Variants in FAT3 observed in about 807,000 individuals in gnomAD.
FAT3 encodes protocadherin Fat 3.
In FAT3, 95 loss-of-function variants were observed where a neutral mutation model predicts 310.2. The ratio of observed to expected loss-of-function variants is 0.31; its 90% CI spans 0.26 to 0.36. The LOEUF (loss-of-function observed/expected upper bound fraction) is 0.36, where lower values mean the gene tolerates loss of function less well. Ranked by LOEUF, FAT3 falls within the 10% of genes least tolerant of loss-of-function variation. The probability of loss-of-function intolerance (pLI) is 1.00; values close to 1 mark genes in which losing one functional copy is unlikely to be tolerated. For missense variants in FAT3, 5,408 were observed against 5,715.6 expected (o/e 0.95, Z 1.74); for synonymous variants, 2,314 against 2,192.9 (o/e 1.06, Z -1.54).
chr11:92,846,709 A>C (rs764090295), intron 19 of FAT3, among the ~76,000 whole-genome samples: 22 of 152,210 alleles, frequency 1.4e-4, no homozygotes, highest in Admixed American at 2.6e-4. Flanking sequence ...TTCTACTCCC[A>C]GTAAATTTAG....
intron 3 of FAT3, among the ~76,000 whole-genome samples, chr11:92,594,580 T>C (rs1939608679): frequency 6.6e-6 from 1 of 152,194 alleles, no homozygotes; most frequent in Non-Finnish European, 1.5e-5. Flanking sequence ...GCTAGACTTT[T>C]ATTGAACACA....
At chr11:92,407,031 C>T (rs1950149906) in intron 2 of FAT3, among the ~76,000 whole-genome samples, 1 of 152,186 alleles carries the variant, frequency 6.6e-6, no homozygotes, top group South Asian at 2.1e-4. Flanking sequence ...CAGAAAGGGG[C>T]TATGAGAGGC....
intron 2 of FAT3, among the ~76,000 whole-genome samples, chr11:92,507,577 A>G (rs1012688744): frequency 2.0e-5 from 3 of 151,828 alleles, no homozygotes; most frequent in Non-Finnish European, 2.9e-5. Flanking sequence ...CACATATCCT[A>G]TATCTGTACA....
intron 3 of FAT3, among the ~76,000 whole-genome samples, chr11:92,586,428 A>G (rs1939161316): frequency 6.6e-6 from 1 of 151,986 alleles, no homozygotes; most frequent in Non-Finnish European, 1.5e-5. Context: ...ACTCAGTGCC[A>G]CAGATGATCT....
chr11:92,572,058 A>T (rs1278549927), intron 3 of FAT3, among the ~76,000 whole-genome samples: 1 of 152,110 alleles, frequency 6.6e-6, no homozygotes, highest in Non-Finnish European at 1.5e-5. Context: ...GTTCATTTGG[A>T]TGCTGGCAGC....
At chr11:92,873,315 C>A (rs548669675) in intron 22 of FAT3, among the ~76,000 whole-genome samples, 1 of 152,266 alleles carries the variant, frequency 6.6e-6, no homozygotes, top group Non-Finnish European at 1.5e-5. Flanking sequence ...CTTCCCCGAG[C>A]CATGTAAGTT....
chr11:92,286,599 G>A (rs1054220392), intron 1 of FAT3, among the ~76,000 whole-genome samples: 2 of 152,154 alleles, frequency 1.3e-5, no homozygotes, highest in African/African-American at 4.8e-5. Flanking sequence ...AGTTCACTTA[G>A]AAAAGCTTCA....
intron 2 of FAT3, among the ~76,000 whole-genome samples, chr11:92,453,739 T>C (rs1230870105): frequency 2.0e-5 from 3 of 152,142 alleles, no homozygotes; most frequent in Non-Finnish European, 4.4e-5. Context: ...CATCGTTTTT[T>C]CCCCCAAGTA....
intron 3 of FAT3, among the ~76,000 whole-genome samples, chr11:92,649,034 T>C (rs1355492320): frequency 6.6e-6 from 1 of 152,194 alleles, no homozygotes; most frequent in Non-Finnish European, 1.5e-5. Flanking sequence ...TAATTTAGCT[T>C]CAAAATGCAC....
rs2136353074 is a variant in FAT3, at chr11:92,867,197, C to G, written c.12115C>G (p.Leu4039Val). 1 of 1,576,236 alleles carries G rather than the reference C, an allele frequency of 6.3e-7. No individual in the cohort carries two copies. The highest frequency in any genetic ancestry group is 8.6e-7 in the Non-Finnish European group (1 of 1,165,228). The change falls in exon 22 of 28, where the codon CTG (leucine) becomes GTG (valine). Residue 4039 changes from leucine to valine, a missense_variant. Physicochemically the swap from Leu to Val is conservative, Grantham distance 32. Coordinates refer to ENST00000525166, the MANE Select transcript of FAT3 (RefSeq NM_001367949.2). ...PCQHGGSCTG[L>V]PSGGYQCTCL... ...CCAGCACGGGGGCAGCTGCACTGGCCTGCCATCGGGGGGTGAGTGTGGCTA... is the reference window on the plus strand; with the variant it reads ...CCAGCACGGGGGCAGCTGCACTGGCGTGCCATCGGGGGGTGAGTGTGGCTA...
At chr11:92,363,237 A>G (rs548995283) in intron 2 of FAT3, among the ~76,000 whole-genome samples, 18 of 152,196 alleles carry the variant, frequency 1.2e-4, no homozygotes, top group Non-Finnish European at 2.4e-4. Flanking sequence ...TGCTGAGTCT[A>G]ATATTCTTTG....
At chr11:92,624,804 A>T (rs1209312903) in intron 3 of FAT3, among the ~76,000 whole-genome samples, 3 of 152,180 alleles carry the variant, frequency 2.0e-5, no homozygotes, top group African/African-American at 4.8e-5. Context: ...ACAGTTCTGG[A>T]GGCCAGAATT....
chr11:92,896,180 C>T lies in FAT3; in HGVS notation c.*5067C>T, dbSNP rs1950028119. On this transcript the variant is annotated 3_prime_UTR_variant, in exon 28 of 28. Transcript: ENST00000525166. ...ATGCACATTCACCTCAACTTGCACA[C>T]ACATCACACACCAAACCTTATGCAA... 6.6e-6 allele frequency: 1 copy of T among 152,066 alleles called. No homozygotes were observed. The highest frequency in any genetic ancestry group is 1.5e-5 in the Non-Finnish European group (1 of 68,012). The allele number at this position is 152,066 out of a possible 1,614,324, so 9.4% of individuals were successfully genotyped here.
chr11:92,859,393 C>T (rs559139413), intron 21 of FAT3, 71 bp downstream of exon 21: 18 of 1,368,392 alleles, frequency 1.3e-5, no homozygotes, highest in Middle Eastern at 1.9e-4. Flanking sequence ...GATTGGGGAA[C>T]GGCTGAAATC....
chr11:92,720,526 A>G (rs907748332), intron 4 of FAT3, among the ~76,000 whole-genome samples: 1 of 152,206 alleles, frequency 6.6e-6, no homozygotes, highest in Non-Finnish European at 1.5e-5. Flanking sequence ...TTCATTGAAA[A>G]ACATGTCTTA....
At chr11:92,518,848 G>A (rs867490946) in intron 2 of FAT3, among the ~76,000 whole-genome samples, 25 of 152,052 alleles carry the variant, frequency 1.6e-4, no homozygotes, top group Admixed American at 1.4e-3. Context: ...CAAAAGATAT[G>A]TAAGCTTTGT....
intron 1 of FAT3, among the ~76,000 whole-genome samples, chr11:92,343,944 C>T (rs985815737): frequency 2.0e-5 from 3 of 152,280 alleles, no homozygotes; most frequent in Non-Finnish European, 4.4e-5. Flanking sequence ...TCACAAAACA[C>T]TCTTTCTTTA....
At chr11:92,435,522 T>TTCCTTCCTTC (rs1950913798) in intron 2 of FAT3, among the ~76,000 whole-genome samples, 2 of 72,884 alleles carry the variant, frequency 2.7e-5, no homozygotes, top group East Asian at 5.3e-4. Context: ...TTCCTTCCTT[T>TTCCTTCCTTC]CTCTTTCTTT....
At chr11:92,700,145 C>T (rs571904281) in intron 4 of FAT3, among the ~76,000 whole-genome samples, 2 of 152,110 alleles carry the variant, frequency 1.3e-5, no homozygotes, top group Non-Finnish European at 2.9e-5. Context: ...TGCCTGAAAG[C>T]GGGGGGTGAC....
Sources: allele counts gnomAD v4.1 joint callset (sites outside exome capture counted in the v4.1 genomes callset), GRCh38; gene constraint gnomAD v4.1.1; transcripts MANE v1.5; gene names NCBI Gene and HGNC (gene_info 2026-07-23, HGNC 2026-07-21).